FRMD3: variants seen among roughly 807,000 people sequenced by gnomAD.
FRMD3 encodes FERM domain containing 3.
In FRMD3, 33 loss-of-function variants were observed where a neutral mutation model predicts 70.2. The observed-to-expected ratio is 0.47, with a 90% CI of 0.36 to 0.63. The LOEUF is 0.63. Among genes scored for constraint, FRMD3 ranks in the 20% least tolerant of loss-of-function variants. The pLI, the probability that FRMD3 is intolerant of heterozygous loss-of-function variation, is 0.00. For synonymous variants in FRMD3, 279 were observed against 255.9 expected (o/e 1.09, Z -0.86); for missense variants, 632 against 711.4 (o/e 0.89, Z 1.27).
At chr9:83,299,728 T>C (rs921945785) in intron 10 of FRMD3, among the ~76,000 whole-genome samples, 3 of 152,238 alleles carry the variant, frequency 2.0e-5, no homozygotes, top group African/African-American at 7.2e-5. Context: ...GAATGGTCAC[T>C]GGCTTCTGTG....
intron 1 of FRMD3, among the ~76,000 whole-genome samples, chr9:83,413,058 T>C (rs1312850202): frequency 2.0e-5 from 3 of 152,078 alleles, no homozygotes; most frequent in Non-Finnish European, 2.9e-5. Flanking sequence ...GAAAAAAATA[T>C]GGTTCTAATA....
intron 1 of FRMD3, chr9:83,467,883 TAATTGTTCAAGA>T: frequency 9.2e-7 from 1 of 1,081,646 alleles, no homozygotes; most frequent in Non-Finnish European, 1.2e-6. Flanking sequence ...GAGATGCTTT[TAATTGTTCAAGA>T]ACCTGCTGGA....
chr9:83,349,868 C>G (rs1472931231), intron 3 of FRMD3, 111 bp from the exon 4 acceptor site: 2 of 700,876 alleles, frequency 2.9e-6, no homozygotes, highest in Non-Finnish European at 4.9e-6. Flanking sequence ...GGAGTGGGGG[C>G]CAGGAGGGGG....
intron 1 of FRMD3, among the ~76,000 whole-genome samples, chr9:83,394,176 G>A (rs564973076): frequency 6.6e-6 from 1 of 151,976 alleles, no homozygotes; most frequent in South Asian, 2.1e-4. Context: ...TTTAGTGTGC[G>A]TTGGATTGCT....
intron 1 of FRMD3, among the ~76,000 whole-genome samples, chr9:83,439,153 T>A (rs1445915103): frequency 6.6e-6 from 1 of 152,228 alleles, no homozygotes; most frequent in East Asian, 1.9e-4. Flanking sequence ...AATTTATCTT[T>A]CGCTTAACAC....
intron 1 of FRMD3, among the ~76,000 whole-genome samples, chr9:83,412,308 G>A (rs1415634628): frequency 6.6e-6 from 1 of 152,164 alleles, no homozygotes; most frequent in Non-Finnish European, 1.5e-5. Context: ...GTAGTTTCCA[G>A]TTTTTAGTAA....
chr9:83,522,889 T>A (rs1018711027), intron 1 of FRMD3, among the ~76,000 whole-genome samples: 1 of 152,116 alleles, frequency 6.6e-6, no homozygotes, highest in African/African-American at 2.4e-5. Flanking sequence ...GTAGTAACAT[T>A]GGAGGAGAGC....
the FRMD3 span, among the ~76,000 whole-genome samples, chr9:83,584,729 G>A: frequency 1.3e-5 from 2 of 152,138 alleles, no homozygotes; most frequent in African/African-American, 4.8e-5. Flanking sequence ...TCCTCTCAGG[G>A]AATAAGGCAG....
intron 1 of FRMD3, among the ~76,000 whole-genome samples, chr9:83,485,354 C>G (rs1828665483): frequency 6.6e-6 from 1 of 152,228 alleles, no homozygotes; most frequent in African/African-American, 2.4e-5. Context: ...AAGCACATGA[C>G]TGATTTTCCA....
At chr9:83,388,089 C>A (rs1398871025) in intron 2 of FRMD3, among the ~76,000 whole-genome samples, 1 of 152,196 alleles carries the variant, frequency 6.6e-6, no homozygotes, top group Non-Finnish European at 1.5e-5. Context: ...GGGAGTACTA[C>A]AGGAAACCAA....
At chr9:83,535,732 C>G (rs1245843505) in intron 1 of FRMD3, among the ~76,000 whole-genome samples, 4 of 152,118 alleles carry the variant, frequency 2.6e-5, no homozygotes, top group African/African-American at 9.7e-5. Context: ...TTGGACACCC[C>G]TGCTCCAGAG....
At chr9:83,251,930 A>G (rs1832446830) in intron 13 of FRMD3, among the ~76,000 whole-genome samples, 1 of 152,210 alleles carries the variant, frequency 6.6e-6, no homozygotes, top group Admixed American at 6.5e-5. Context: ...GGAAGAATGG[A>G]ACCAAGTTAG....
At chr9:83,299,508 T>C (rs1013999855) in intron 10 of FRMD3, among the ~76,000 whole-genome samples, 1 of 152,226 alleles carries the variant, frequency 6.6e-6, no homozygotes, top group Non-Finnish European at 1.5e-5. Context: ...GAAGGAATTC[T>C]CCCCTAATTT....
chr9:83,428,093 T>C lies in FRMD3; in HGVS notation c.148-38385A>G, dbSNP rs556190450. 2.0e-5 allele frequency among the ~76,000 whole-genome samples: 3 copies of C among 152,316 alleles called. No individual in the cohort carries two copies. In the South Asian group the frequency reaches 6.2e-4, roughly 32 times the overall value. On this transcript the variant is annotated intron_variant, in intron 1 of 13. Coordinates refer to ENST00000304195, the MANE Select transcript of FRMD3 (RefSeq NM_174938.6). ...TATAAAATATGTATAAGAATGTTTA[T>C]AGGCCGGGTGAGGTGGCTCACACCT...
intron 9 of FRMD3, 129 bp from the exon 10 acceptor site, chr9:83,309,753 CAT>C: frequency 1.7e-6 from 1 of 581,824 alleles, no homozygotes; most frequent in South Asian, 2.6e-5. Flanking sequence ...AGTAACTTAA[CAT>C]ATTGCTATGT....
rs1008250507 is a variant in FRMD3, at chr9:83,431,660, C to A, written c.148-41952G>T. Among the ~76,000 whole-genome samples the A allele has an allele frequency of 3.3e-5, 5 of 152,132 alleles. No homozygotes were observed. In the East Asian group the frequency reaches 9.6e-4, roughly 29 times the overall value. On this transcript the variant is annotated intron_variant, in intron 1 of 13. Coordinates refer to ENST00000304195, the MANE Select transcript of FRMD3 (RefSeq NM_174938.6). ...GCTTTTGCTGAAGGTATAAAGGTGT[C>A]AAAAGTGTCACTTGTCCTTCTCTTG...
At position 83,298,781 on chromosome 9, in the gene FRMD3, G is replaced by A. The variant is rs763249143; in HGVS notation, c.1037C>T (p.Ser346Phe). 80 of 1,614,072 alleles carry A rather than the reference G, an allele frequency of 5.0e-5. No homozygotes were observed. Among genetic ancestry groups the A allele is most frequent in the Admixed American group, 1.0e-4 (6 of 60,006 alleles). ...KVAKEVVEAS[S>F]KIQREPPEVH... ...CTCAGGAGGCTCCCTCTGGATCTTGGAACTGGCCTCCACCACCTCTTTGGC... is the reference window on the plus strand; with the variant it reads ...CTCAGGAGGCTCCCTCTGGATCTTGAAACTGGCCTCCACCACCTCTTTGGC... The change falls in exon 12 of 14, where the codon TCC becomes TTC. Residue 346 changes from serine to phenylalanine, a missense_variant. By Grantham distance (155) the Ser-to-Phe change is radical (BLOSUM62 -2). Transcript: ENST00000304195.
chr9:83,529,981 A>C (rs1829761669), intron 1 of FRMD3, among the ~76,000 whole-genome samples: 1 of 152,238 alleles, frequency 6.6e-6, no homozygotes, highest in South Asian at 2.1e-4. Flanking sequence ...AAACAGATAG[A>C]TAATAACAAG....
intron 1 of FRMD3, among the ~76,000 whole-genome samples, chr9:83,526,766 T>C (rs1263428095): frequency 1.3e-5 from 2 of 152,374 alleles, no homozygotes; most frequent in Non-Finnish European, 2.9e-5. Context: ...AGGAGATATT[T>C]AACAAATGTT....
Sources: allele counts gnomAD v4.1 joint callset (sites outside exome capture counted in the v4.1 genomes callset), GRCh38; gene constraint gnomAD v4.1.1; transcripts MANE v1.5; gene names NCBI Gene and HGNC (gene_info 2026-07-23, HGNC 2026-07-21).